Variants in ZNF236 observed in about 807,000 individuals in gnomAD.
The protein encoded by ZNF236 is regulated by glucose.
Under a neutral mutation model 191.2 loss-of-function variants are expected in ZNF236, and 50 were observed. The ratio of observed to expected loss-of-function variants is 0.26; its 90% CI spans 0.21 to 0.33. The LOEUF (loss-of-function observed/expected upper bound fraction) is 0.33. ZNF236 is among the 10% of genes least tolerant of loss of function. The probability of loss-of-function intolerance (pLI) is 1.00; values close to 1 mark genes in which losing one functional copy is unlikely to be tolerated. For missense variants in ZNF236, 1,754 were observed against 2,374.5 expected (o/e 0.74, Z 5.43); for synonymous variants, 907 against 928.8 (o/e 0.98, Z 0.43).
chr18:76,899,124 TGAG>T lies in ZNF236; in HGVS notation c.1798_1800del (p.Arg600del). ...TTTAAACATACGGAATTAAGGAAAA[TGAG>T]GCACCAGCGTAAACCTGCAAAGGTC... On this transcript the variant is annotated inframe_deletion, in exon 11 of 31. Transcript: ENST00000320610. 1 of 1,614,128 alleles carries T rather than the reference TGAG, an allele frequency of 6.2e-7. No homozygotes were observed. Among genetic ancestry groups the T allele is most frequent in the South Asian group, 1.1e-5 (1 of 91,074 alleles).
At position 76,880,627 on chromosome 18, in the gene ZNF236, C is replaced by T. The variant is rs1005847817; in HGVS notation, c.1188+311C>T. Among the ~76,000 whole-genome samples, 10 of 151,902 alleles carry T rather than the reference C, an allele frequency of 6.6e-5. No individual in the cohort carries two copies. The highest frequency in any genetic ancestry group is 2.1e-4 in the South Asian group (1 of 4,818). On this transcript the variant is annotated intron_variant, in intron 8 of 30. Coordinates refer to ENST00000320610, the MANE Select transcript of ZNF236 (RefSeq NM_001306089.2). The surrounding 1 kb of genome is among the most constrained non-coding windows in gnomAD (Gnocchi z 5.0). ...TTTATGTTGACAGAGGTGGAAAAAG[C>T]GTTTTATTCTTTCTTGAGGTTCTGG...
At chr18:76,834,883 C>A in intron 1 of ZNF236, 1 of 348,838 alleles carries the variant, frequency 2.9e-6, no homozygotes, top group South Asian at 2.5e-5. Context: ...AGGGATTGAA[C>A]TTCATTTGGG....
At chr18:76,853,749 G>A (rs1015237377) in intron 3 of ZNF236, among the ~76,000 whole-genome samples, 6 of 152,104 alleles carry the variant, frequency 3.9e-5, no homozygotes, top group Non-Finnish European at 8.8e-5. Context: ...GGTGGCTCAT[G>A]TCTGTAATCC....
Position 76,955,837 on chromosome 18 carries a change from C to T in ZNF236, c.4915-148C>T, listed in dbSNP as rs1473935599. 1.2e-5 allele frequency: 11 copies of T among 894,932 alleles called. No individual in the cohort carries two copies. In the Admixed American group the frequency reaches 2.3e-4, roughly 19 times the overall value. 55.4% of individuals were successfully genotyped at this position (894,932 alleles called of 1,614,324 possible). ...CATATTGTGTGGAAGGCGCCTCTGG[C>T]TAAATTATCCTGATGATAGGACATG... is the stretch of plus-strand genomic sequence containing the variant. On this transcript the variant is annotated intron_variant, in intron 27 of 30. Transcript: ENST00000320610.
intron 1 of ZNF236, among the ~76,000 whole-genome samples, chr18:76,842,656 C>T (rs1435371336): frequency 6.6e-6 from 1 of 151,674 alleles, no homozygotes; most frequent in East Asian, 1.9e-4. Flanking sequence ...GAGGCTGAGG[C>T]AGGAGAATCG....
chr18:76,842,751 C>CA (rs547978801), intron 1 of ZNF236, among the ~76,000 whole-genome samples: 1,258 of 123,020 alleles, frequency 0.01, 8 homozygotes, highest in African/African-American at 0.019. Flanking sequence ...AACTCTGTCT[C>CA]AAAAAAAAAA....
At chr18:76,830,989 A>G (rs1320073711) in intron 1 of ZNF236, among the ~76,000 whole-genome samples, 1 of 152,244 alleles carries the variant, frequency 6.6e-6, no homozygotes, top group Non-Finnish European at 1.5e-5. Flanking sequence ...TGGAGCAGAT[A>G]GTATGGAGAC....
chr18:76,881,473 G>C lies in ZNF236; in HGVS notation c.1378G>C (p.Glu460Gln). ...QESPEKLDKK[E>Q]KKMIKKKSPF... ...AAGCCCGGAGAAACTGGATAAAAAA[G>C]AAAAAAAAATGATAAAGAAGAAGTC... is the stretch of plus-strand genomic sequence containing the variant. The change falls in exon 9 of 31, where the codon GAA becomes CAA. Residue 460 changes from glutamate (E) to glutamine (Q), a missense_variant. By Grantham distance (29) the Glu-to-Gln change is conservative. This residue lies in a region of ZNF236 where 126 missense variants were observed against 110.9 expected (regional missense o/e 1.14). Transcript: ENST00000320610. The C allele has an allele frequency of 6.3e-7, 1 of 1,595,314 alleles. No individual in the cohort carries two copies. Among genetic ancestry groups the C allele is most frequent in the South Asian group, 1.1e-5 (1 of 88,358 alleles).
chr18:76,823,518 T>TA (rs1385183795), intron 1 of ZNF236, among the ~76,000 whole-genome samples: 8 of 151,034 alleles, frequency 5.3e-5, no homozygotes, highest in Admixed American at 5.3e-4. Context: ...GCATCAGTGT[T>TA]ATGTGGGGAG....
At chr18:76,893,155 T>A (rs1478535296) in intron 9 of ZNF236, among the ~76,000 whole-genome samples, 1 of 152,206 alleles carries the variant, frequency 6.6e-6, no homozygotes. Flanking sequence ...TATTTTGGTT[T>A]GGAAAAAAAT....
At position 76,908,428 on chromosome 18, in the gene ZNF236, C is replaced by T. The variant is rs369815862; in HGVS notation, c.2406C>T (p.Ile802=). 43 of 1,614,084 alleles carry T rather than the reference C, an allele frequency of 2.7e-5. No individual in the cohort carries two copies. The African/African-American group carries it at 3.7e-4, about 14-fold the overall frequency. The change falls in exon 14 of 31, where the codon ATC becomes ATT. Residue 802 remains isoleucine, a synonymous_variant. Coordinates refer to ENST00000320610, the MANE Select transcript of ZNF236 (RefSeq NM_001306089.2). ...CCTCCACTCAAATGCAGGTGGAGAT[C>T]GAGAGCGACGAGCTGCCGCAGACGG... The part of the protein sequence containing the change: ...MQASTQMQVE[I]ESDELPQTAE...
At chr18:76,905,102 G>A (rs747173898) in intron 12 of ZNF236, 53 bp from the exon 13 acceptor site, 5 of 1,522,288 alleles carry the variant, frequency 3.3e-6, no homozygotes, top group Non-Finnish European at 3.6e-6. Context: ...TAGTCACAAA[G>A]CATTATAAAA....
At chr18:76,949,984 A>G (rs1010953688) in intron 27 of ZNF236, among the ~76,000 whole-genome samples, 5 of 151,744 alleles carry the variant, frequency 3.3e-5, no homozygotes, top group Admixed American at 1.3e-4. Context: ...TTAAATGTAC[A>G]TACCTTAATT....
intron 27 of ZNF236, among the ~76,000 whole-genome samples, chr18:76,952,461 G>A (rs1016394085): frequency 1.3e-5 from 2 of 152,236 alleles, no homozygotes; most frequent in South Asian, 4.1e-4. Flanking sequence ...ACATGCCTGG[G>A]TCTGCCTCTG....
intron 1 of ZNF236, among the ~76,000 whole-genome samples, chr18:76,847,126 C>T (rs1218950495): frequency 1.3e-5 from 2 of 149,954 alleles, no homozygotes; most frequent in South Asian, 2.1e-4. Context: ...ATGTATAGTC[C>T]GTATCTCCTA....
Position 76,878,053 on chromosome 18 carries a change from A to G in ZNF236, c.885A>G (p.Val295=). 1 of 1,613,154 alleles carries G rather than the reference A, an allele frequency of 6.2e-7. No homozygotes were observed. The highest frequency in any genetic ancestry group is 1.7e-4 in the Middle Eastern group (1 of 6,052). ...ATAACTGTACAGAATGTAGTTGTGT[A>G]TTTAAAAGTTTAGGCAGCTTAAACA... ...PTYNCTECSC[V]FKSLGSLNTH... The change falls in exon 7 of 31, where the codon GTA becomes GTG. Residue 295 remains valine, a synonymous_variant. Transcript: ENST00000320610.
rs1407441302 is a variant in ZNF236 at position 76,919,698 on chromosome 18, A to G, written c.3275-78A>G. ...ATTAATTTTCATTACATACATACCTATTTAGTTTTAATTGTTTTGCTAAAA... is the reference window on the plus strand; with the variant it reads ...ATTAATTTTCATTACATACATACCTGTTTAGTTTTAATTGTTTTGCTAAAA... On this transcript the variant is annotated intron_variant, in intron 19 of 30. Transcript: ENST00000320610. This position sits in a 1 kb window ranked among gnomAD's most constrained non-coding sequence, Gnocchi z 5.3. The G allele has an allele frequency of 3.3e-6, 5 of 1,511,344 alleles. No homozygotes were observed. Among genetic ancestry groups the G allele is most frequent in the African/African-American group, 2.8e-5 (2 of 72,464 alleles). The allele number at this position is 1,511,344 out of a possible 1,614,324, so 93.6% of individuals were successfully genotyped here. A position where few individuals can be genotyped will look rare whatever the true frequency, so the allele number is the denominator to read the frequency against.
intron 6 of ZNF236, among the ~76,000 whole-genome samples, chr18:76,877,305 T>C (rs1302915728): frequency 6.6e-6 from 1 of 152,000 alleles, no homozygotes; most frequent in African/African-American, 2.4e-5. Flanking sequence ...GGTCAGGAGT[T>C]CGAGACCAGC....
intron 30 of ZNF236, among the ~76,000 whole-genome samples, chr18:76,963,854 A>G (rs578079463): frequency 2.0e-5 from 3 of 152,156 alleles, no homozygotes; most frequent in South Asian, 2.1e-4. Context: ...TCTAGTTTAT[A>G]TGTGTAAAGG....
Sources: allele counts gnomAD v4.1 joint callset (sites outside exome capture counted in the v4.1 genomes callset), GRCh38; gene constraint gnomAD v4.1.1; regional missense constraint gnomAD v4.1.1; non-coding constraint Gnocchi (gnomAD v3.1); transcripts MANE v1.5; gene names NCBI Gene and HGNC (gene_info 2026-07-23, HGNC 2026-07-21).